The following ATRNL1 variants were observed in gnomAD, a reference collection of about 807,000 sequenced individuals.
ATRNL1 encodes attractin like 1.
Under a neutral mutation model 182.7 loss-of-function variants are expected in ATRNL1, and 95 were observed. The ratio of observed to expected loss-of-function variants is 0.52; its 90% CI spans 0.44 to 0.62. ATRNL1 has a LOEUF of 0.62. ATRNL1 is among the 20% of genes least tolerant of loss of function. The pLI is 0.00. For synonymous variants in ATRNL1, 576 were observed against 568.3 expected, an observed-to-expected ratio of 1.01 and a Z score of -0.19; for missense variants, 1,471 against 1,679.5, an observed-to-expected ratio of 0.88 and a Z score of 2.17.
At chr10:115,651,432 A>T (rs759734749) in intron 26 of ATRNL1, among the ~76,000 whole-genome samples, 1 of 152,160 alleles carries the variant, frequency 6.6e-6, no homozygotes, top group Non-Finnish European at 1.5e-5. Flanking sequence ...CATTACTACT[A>T]TTGGGTTTCA....
At chr10:115,611,054 C>T (rs1592944207) in intron 26 of ATRNL1, among the ~76,000 whole-genome samples, 2 of 147,048 alleles carry the variant, frequency 1.4e-5, no homozygotes, top group Non-Finnish European at 1.5e-5. Flanking sequence ...TTTCAAAGGA[C>T]TTTTTTTTTT....
At chr10:115,368,445 C>G (rs1857194260) in intron 19 of ATRNL1, among the ~76,000 whole-genome samples, 1 of 152,214 alleles carries the variant, frequency 6.6e-6, no homozygotes. Context: ...GTGAGATGAA[C>G]CCAGTACCTC....
chr10:115,132,861 T>C (rs1481601761), intron 5 of ATRNL1, among the ~76,000 whole-genome samples: 1 of 152,324 alleles, frequency 6.6e-6, no homozygotes, highest in Admixed American at 6.5e-5. Context: ...ATTGCAAAAA[T>C]TTTCTCCCAT....
chr10:115,355,875 A>T (rs1856481670), intron 19 of ATRNL1, among the ~76,000 whole-genome samples: 1 of 151,792 alleles, frequency 6.6e-6, no homozygotes, highest in South Asian at 2.1e-4. Context: ...TGATTTTCTT[A>T]ATTTCTCTCT....
At chr10:115,332,609 G>T (rs1855280632) in intron 18 of ATRNL1, among the ~76,000 whole-genome samples, 1 of 151,742 alleles carries the variant, frequency 6.6e-6, no homozygotes. Flanking sequence ...AGAGGATGAT[G>T]AGCATTTTTT....
At chr10:115,137,490 G>T (rs1364154114) in intron 5 of ATRNL1, among the ~76,000 whole-genome samples, 1 of 152,184 alleles carries the variant, frequency 6.6e-6, no homozygotes, top group Non-Finnish European at 1.5e-5. Flanking sequence ...AAAAGAAAGA[G>T]ATTTAATGGA....
chr10:115,575,869 G>A (rs568600205), intron 26 of ATRNL1, among the ~76,000 whole-genome samples: 59 of 151,994 alleles, frequency 3.9e-4, no homozygotes, highest in South Asian at 1.5e-3. Flanking sequence ...CTAACTTCAA[G>A]TTTGTACTTT....
At chr10:115,229,946 A>T (rs1368805154) in intron 9 of ATRNL1, among the ~76,000 whole-genome samples, 1 of 152,200 alleles carries the variant, frequency 6.6e-6, no homozygotes, top group East Asian at 1.9e-4. Flanking sequence ...AGAGGACATT[A>T]CAATACCCTA....
intron 8 of ATRNL1, among the ~76,000 whole-genome samples, chr10:115,200,449 T>C (rs1310708929): frequency 2.0e-5 from 3 of 146,390 alleles, no homozygotes; most frequent in Non-Finnish European, 3.0e-5. Context: ...CATTGTTCAA[T>C]TCCCATCTAT....
intron 24 of ATRNL1, among the ~76,000 whole-genome samples, chr10:115,513,114 C>G (rs1554983063): frequency 6.6e-6 from 1 of 151,946 alleles, no homozygotes; most frequent in African/African-American, 2.4e-5. Context: ...AATTCTTTTT[C>G]TTCCACTGTG....
intron 27 of ATRNL1, among the ~76,000 whole-genome samples, chr10:115,819,187 T>A (rs1950235741): frequency 6.6e-6 from 1 of 152,036 alleles, no homozygotes; most frequent in South Asian, 2.1e-4. Flanking sequence ...GTTCTCTGGA[T>A]CTGCAAGCCC....
At chr10:115,851,616 C>T (rs542803687) in intron 28 of ATRNL1, among the ~76,000 whole-genome samples, 9 of 152,072 alleles carry the variant, frequency 5.9e-5, no homozygotes, top group African/African-American at 1.4e-4. Context: ...GAGAAATTCT[C>T]CCTTTAGGGG....
intron 20 of ATRNL1, 90 bp from the exon 21 acceptor site, chr10:115,426,160 G>C (rs1845876266): frequency 2.1e-6 from 2 of 935,610 alleles, no homozygotes; most frequent in Non-Finnish European, 3.3e-6. Context: ...ATGTTTTGAT[G>C]TAGAATATAA....
chr10:115,543,118 T>C (rs1852453561), intron 25 of ATRNL1, among the ~76,000 whole-genome samples: 1 of 150,764 alleles, frequency 6.6e-6, no homozygotes, highest in Non-Finnish European at 1.5e-5. Flanking sequence ...TTATACCAGT[T>C]TGAGTTAGGT....
At chr10:115,153,144 T>A (rs527641897) in intron 5 of ATRNL1, among the ~76,000 whole-genome samples, 1 of 152,198 alleles carries the variant, frequency 6.6e-6, no homozygotes, top group Non-Finnish European at 1.5e-5. Context: ...GATTTTTGCA[T>A]TGATATTCAT....
At chr10:115,656,594 C>T (rs572983554) in intron 26 of ATRNL1, among the ~76,000 whole-genome samples, 1 of 151,954 alleles carries the variant, frequency 6.6e-6, no homozygotes, top group South Asian at 2.1e-4. Flanking sequence ...CACCCACCAC[C>T]CTGAACTGGA....
intron 26 of ATRNL1, among the ~76,000 whole-genome samples, chr10:115,604,996 G>A (rs920852760): frequency 3.3e-5 from 5 of 152,070 alleles, no homozygotes; most frequent in Non-Finnish European, 7.4e-5. Flanking sequence ...AATAATAGAG[G>A]ATTGTAACAT....
rs1033147408 is a variant in ATRNL1 at position 115,248,782 on chromosome 10, C to A, written c.1687+7057C>A. 2.6e-5 allele frequency among the ~76,000 whole-genome samples: 4 copies of A among 151,936 alleles called. No homozygotes were observed. In the South Asian group the frequency reaches 8.3e-4, roughly 32 times the overall value. On this transcript the variant is annotated intron_variant, in intron 10 of 28. Coordinates refer to ENST00000355044, the MANE Select transcript of ATRNL1 (RefSeq NM_207303.4). ...TGAAGTAGGGAGCCAAAAAACAAAA[C>A]CCCAGTAAAGTACCATCATTTCAGG...
intron 26 of ATRNL1, among the ~76,000 whole-genome samples, chr10:115,707,728 T>C (rs1482083414): frequency 2.6e-5 from 4 of 151,740 alleles, no homozygotes; most frequent in Non-Finnish European, 5.9e-5. Flanking sequence ...TTTTTGGTAT[T>C]CCAGTTTAAC....
Sources: allele counts gnomAD v4.1 joint callset (sites outside exome capture counted in the v4.1 genomes callset), GRCh38; gene constraint gnomAD v4.1.1; transcripts MANE v1.5; gene names NCBI Gene and HGNC (gene_info 2026-07-23, HGNC 2026-07-21).